The following LYN variants were observed in gnomAD, a reference collection of about 807,000 sequenced individuals.
LYN encodes the protein tyrosine-protein kinase Lyn.
A neutral mutation model predicts 65.0 loss-of-function variants in LYN; 12 were observed. The ratio of observed to expected loss-of-function variants is 0.18; its 90% confidence interval spans 0.12 to 0.30. The LOEUF (loss-of-function observed/expected upper bound fraction) is 0.30, where lower values mean the gene tolerates loss of function less well. Among genes scored for constraint, LYN ranks in the 10% least tolerant of loss-of-function variants. The pLI, the probability that LYN is intolerant of heterozygous loss-of-function variation, is 1.00. For synonymous variants in LYN, 222 were observed against 221.2 expected (o/e 1.00, Z -0.03); for missense variants, 380 against 623.2 (o/e 0.61, Z 4.16).
intron 1 of LYN, among the ~76,000 whole-genome samples, chr8:55,896,569 G>A (rs1805108447): frequency 6.6e-6 from 1 of 151,894 alleles, no homozygotes; most frequent in African/African-American, 2.4e-5. Flanking sequence ...ACGGGATGGT[G>A]GGTACAGCAA....
At chr8:55,984,805 GC>G (rs1198073334) in intron 10 of LYN, among the ~76,000 whole-genome samples, 1 of 152,232 alleles carries the variant, frequency 6.6e-6, no homozygotes, top group Non-Finnish European at 1.5e-5. Context: ...CCCCCATAAG[GC>G]CATTTGCCTG....
At chr8:55,961,618 C>T (rs1427815383) in intron 8 of LYN, among the ~76,000 whole-genome samples, 2 of 152,140 alleles carry the variant, frequency 1.3e-5, no homozygotes, top group Non-Finnish European at 2.9e-5. Flanking sequence ...TCCCCCCTAA[C>T]CTTGGAAAGC....
chr8:55,979,867 C>T (rs953459019), intron 10 of LYN, among the ~76,000 whole-genome samples: 3 of 152,222 alleles, frequency 2.0e-5, no homozygotes, highest in Admixed American at 1.3e-4. Flanking sequence ...GCCAGAGGGC[C>T]GCCCACCCTG....
At chr8:56,007,937 G>A (rs1231427209) in intron 12 of LYN, among the ~76,000 whole-genome samples, 1 of 151,904 alleles carries the variant, frequency 6.6e-6, no homozygotes, top group Non-Finnish European at 1.5e-5. Flanking sequence ...TGGCCAACAT[G>A]GTGAAACCCC....
At chr8:55,894,547 T>G (rs187290593) in intron 1 of LYN, among the ~76,000 whole-genome samples, 1,772 of 151,948 alleles carry the variant, frequency 0.012, 15 homozygotes, top group South Asian at 0.044. Context: ...TTTTTTTTTT[T>G]TTTTTGACGG....
chr8:55,915,605 C>T (rs958828253), intron 1 of LYN, among the ~76,000 whole-genome samples: 1 of 152,142 alleles, frequency 6.6e-6, no homozygotes, highest in Non-Finnish European at 1.5e-5. Flanking sequence ...ACTTTGGAGG[C>T]TGAGGCAGGA....
chr8:55,889,795 G>A (rs1804901511), intron 1 of LYN, among the ~76,000 whole-genome samples: 6 of 152,086 alleles, frequency 3.9e-5, no homozygotes, highest in Admixed American at 3.3e-4. Flanking sequence ...TCATGTGGGG[G>A]CTGAAATCCC....
intron 12 of LYN, among the ~76,000 whole-genome samples, chr8:56,002,140 G>T (rs568295332): frequency 3.3e-5 from 5 of 152,192 alleles, no homozygotes; most frequent in Middle Eastern, 3.4e-3. Context: ...AATTAGGCTG[G>T]GTGCAGTGGC....
At chr8:55,912,885 G>T (rs191302020) in intron 1 of LYN, among the ~76,000 whole-genome samples, 4 of 151,966 alleles carry the variant, frequency 2.6e-5, no homozygotes, top group Non-Finnish European at 5.9e-5. Context: ...AAAATGGCCC[G>T]TGTGTAAAAA....
At chr8:55,953,403 T>C (rs1807009236) in intron 7 of LYN, among the ~76,000 whole-genome samples, 1 of 152,130 alleles carries the variant, frequency 6.6e-6, no homozygotes, top group South Asian at 2.1e-4. Flanking sequence ...ATCCAGCATT[T>C]TGGGAGGCCG....
rs751797343 is a variant in LYN, at chr8:56,009,892, T to C, written c.1337-16T>C. ...ACGGCATGGGTTTCTGTTCTTTTTGTTTTTTTCCACCCTAGGGAGAACTAA... is the reference window on the plus strand; with the variant it reads ...ACGGCATGGGTTTCTGTTCTTTTTGCTTTTTTCCACCCTAGGGAGAACTAA... On this transcript the variant is annotated splice_polypyrimidine_tract_variant and intron_variant, in intron 12 of 12. Coordinates refer to ENST00000519728, the MANE Select transcript of LYN (RefSeq NM_002350.4). 4.8e-5 allele frequency: 78 copies of C among 1,610,042 alleles called. No homozygotes were observed. The highest frequency in any genetic ancestry group is 6.5e-5 in the Non-Finnish European group (77 of 1,177,650).
intron 1 of LYN, among the ~76,000 whole-genome samples, chr8:55,906,230 AAAG>A (rs1453188692): frequency 2.0e-5 from 3 of 152,182 alleles, no homozygotes; most frequent in South Asian, 2.1e-4. Flanking sequence ...ATGCTTTGAT[AAAG>A]AAGAAAATAA....
Position 55,964,206 on chromosome 8 carries a change from A to G in LYN, c.791-2509A>G, listed in dbSNP as rs148383979. On this transcript the variant is annotated intron_variant, in intron 8 of 12. Coordinates refer to ENST00000519728, the MANE Select transcript of LYN (RefSeq NM_002350.4). The stretch of plus-strand genomic sequence containing the variant: ...CCATATGTTCTAACACTTATCTTGT[A>G]CTGCATTTTTCTTTTTCTTTTCTTT... Among the ~76,000 whole-genome samples, 428 of 151,866 alleles carry G rather than the reference A, an allele frequency of 2.8e-3. 1 individual carries two copies. The highest frequency in any genetic ancestry group is 3.9e-3 in the Non-Finnish European group (262 of 67,930).
At chr8:55,942,401 A>ATG (rs1806647056) in intron 2 of LYN, among the ~76,000 whole-genome samples, 2 of 145,588 alleles carry the variant, frequency 1.4e-5, no homozygotes, top group Non-Finnish European at 3.0e-5. Context: ...ATGTGTATAT[A>ATG]TGTGTATATA....
intron 10 of LYN, among the ~76,000 whole-genome samples, chr8:55,979,461 A>AAC (rs1585661312): frequency 6.6e-6 from 1 of 152,282 alleles, no homozygotes; most frequent in East Asian, 1.9e-4. Flanking sequence ...CTTCTGTAGA[A>AAC]ACACAGCATT....
rs1585643931 is a variant in LYN at position 55,962,861 on chromosome 8, G to A, written c.791-3854G>A. 2.6e-5 allele frequency among the ~76,000 whole-genome samples: 4 copies of A among 152,328 alleles called. No homozygotes were observed. In the South Asian group the frequency reaches 8.3e-4, roughly 32 times the overall value. On this transcript the variant is annotated intron_variant, in intron 8 of 12. Coordinates refer to ENST00000519728, the MANE Select transcript of LYN (RefSeq NM_002350.4). ...TCTGCTTCTGGTGAAGCCTCAGGAA[G>A]CTTCCATTCAAAAAGGAAGGCAAAA...
At chr8:55,950,637 GC>G (rs1806914713) in intron 5 of LYN, 43 bp from the exon 6 acceptor site, 3 of 1,578,448 alleles carry the variant, frequency 1.9e-6, no homozygotes, top group Non-Finnish European at 2.6e-6. Flanking sequence ...CCTTTTTCTT[GC>G]CGTGGAACAT....
intron 1 of LYN, among the ~76,000 whole-genome samples, chr8:55,885,888 G>GCGTTTTCCT (rs1804777090): frequency 6.6e-6 from 1 of 151,788 alleles, no homozygotes; most frequent in Non-Finnish European, 1.5e-5. Flanking sequence ...ACCCAATGCT[G>GCGTTTTCCT]CGTTTTCCTC....
intron 1 of LYN, among the ~76,000 whole-genome samples, chr8:55,930,019 TA>T: frequency 6.6e-6 from 1 of 152,290 alleles, no homozygotes; most frequent in East Asian, 1.9e-4. Flanking sequence ...TAGATTCTCA[TA>T]GGGGCGTGAA....
Sources: allele counts gnomAD v4.1 joint callset (sites outside exome capture counted in the v4.1 genomes callset), GRCh38; gene constraint gnomAD v4.1.1; transcripts MANE v1.5; gene names NCBI Gene and HGNC (gene_info 2026-07-23, HGNC 2026-07-21).